Variants in GBF1 observed in about 807,000 individuals in gnomAD.
GBF1 encodes the protein golgi brefeldin A resistant guanine nucleotide exchange factor 1.
Under a neutral mutation model 210.5 loss-of-function variants are expected in GBF1, and 114 were observed. The observed-to-expected ratio is 0.54, with a 90% CI of 0.47 to 0.63. The LOEUF is 0.63. Among genes scored for constraint, GBF1 ranks in the 30% least tolerant of loss-of-function variants. The pLI is 0.00. For synonymous variants in GBF1, 850 were observed against 889.2 expected (o/e 0.96, Z 0.78); for missense variants, 1,851 against 2,357.7 (o/e 0.79, Z 4.45).
chr10:102,274,699 ATTTTTTTTTTTTTTTTTT>A (rs1174743189), intron 3 of GBF1, among the ~76,000 whole-genome samples: 2 of 71,700 alleles, frequency 2.8e-5, no homozygotes, highest in Non-Finnish European at 4.7e-5. Flanking sequence ...CAAAACAAAG[ATTTTTTTTTTTTTTTTTT>A]TTTTTTTTTT....
At chr10:102,244,639 C>T (rs901950282), upstream of GBF1, among the ~76,000 whole-genome samples, 3 of 152,150 alleles carry the variant, frequency 2.0e-5, no homozygotes, top group African/African-American at 7.2e-5. Context: ...GCGTATTTAG[C>T]CTGGTGGATA....
intron 3 of GBF1, among the ~76,000 whole-genome samples, chr10:102,336,194 G>A (rs1433874153): frequency 1.3e-5 from 2 of 151,634 alleles, no homozygotes; most frequent in African/African-American, 2.4e-5. Flanking sequence ...CCAGCTACTC[G>A]GGAGGCTGAG....
chr10:102,361,132 GA>G lies in GBF1; in HGVS notation c.1491+13del. 1 of 1,382,316 alleles carries G rather than the reference GA, an allele frequency of 7.2e-7. No homozygotes were observed. Among genetic ancestry groups the G allele is most frequent in the Non-Finnish European group, 1.0e-6 (1 of 968,150 alleles). The allele number at this position is 1,382,316 out of a possible 1,614,324, so 85.6% of individuals were successfully genotyped here. On this transcript the variant is annotated intron_variant, in intron 13 of 39. Coordinates refer to ENST00000369983, the MANE Select transcript of GBF1 (RefSeq NM_001377137.1). The stretch of plus-strand genomic sequence containing the variant: ...AGTTCCAAATGGAGGTGAGTTTCTT[GA>G]TGTGGAAAGAAAAGGGGGAAAAAAA...
intron 3 of GBF1, among the ~76,000 whole-genome samples, chr10:102,261,547 C>A (rs1390063733): frequency 6.6e-6 from 1 of 151,314 alleles, no homozygotes; most frequent in East Asian, 1.9e-4. Flanking sequence ...GAGAAAAAAT[C>A]TATTTTACTT....
At chr10:102,378,217 CAAAA>C (rs147480488) in intron 33 of GBF1, among the ~76,000 whole-genome samples, 1 of 88,218 alleles carries the variant, frequency 1.1e-5, no homozygotes, top group Non-Finnish European at 2.4e-5. Context: ...GACTCCATCT[CAAAA>C]AAAAAAAAAA....
At chr10:102,241,439 C>G (rs2070534625), upstream of GBF1, 1 of 152,502 alleles carries the variant, frequency 6.6e-6, no homozygotes, top group Non-Finnish European at 1.5e-5. The surrounding 1 kb of genome is among the most constrained non-coding windows in gnomAD (Gnocchi z 6.7). Context: ...GGGGCCGCCC[C>G]CCTGCTCCCG....
chr10:102,365,481 C>T lies in GBF1; in HGVS notation c.2191C>T (p.Pro731Ser), dbSNP rs1212562995. ...GCAAGAGAAAGGCCTCCTCACCATC[C>T]CAATGGACAACACAGAGGTTGCTCA... Reference protein sequence around the residue: ...FLQEKGLLTIPMDNTEVAQWL... With the variant: ...FLQEKGLLTISMDNTEVAQWL... Residue 731 changes from proline to serine, a missense_variant, in exon 18 of 40, where the codon CCA (proline) becomes TCA (serine). Physicochemically the swap from Pro to Ser is moderately conservative, Grantham distance 74 (BLOSUM62 -1). Around this residue, in one of 3 missense-constraint regions of GBF1, gnomAD observed 804 missense variants for 958.6 expected, o/e 0.84. Transcript: ENST00000369983. 18 of 1,613,898 alleles carry T rather than the reference C, an allele frequency of 1.1e-5. No homozygotes were observed. The highest frequency in any genetic ancestry group is 1.4e-5 in the Non-Finnish European group (17 of 1,179,752).
the GBF1 span, chr10:102,231,795 G>C: frequency 6.3e-7 from 1 of 1,596,612 alleles, no homozygotes; most frequent in Non-Finnish European, 8.5e-7. Flanking sequence ...CTGAGTCTGG[G>C]GGCCAGGGTG....
rs1477593510 is a variant in GBF1 at position 102,376,819 on chromosome 10, G to A, written c.4288+19G>A. On this transcript the variant is annotated intron_variant, in intron 32 of 39. Transcript: ENST00000369983. Reference sequence around the variant, plus strand: ...AATGGCGGTGGGTCAGCTGATGAGGGGGCAGCTGGGGAGTAGCCATGCAAT... The same window carrying A: ...AATGGCGGTGGGTCAGCTGATGAGGAGGCAGCTGGGGAGTAGCCATGCAAT... The A allele has an allele frequency of 6.2e-7, 1 of 1,608,802 alleles. No homozygotes were observed. Among genetic ancestry groups the A allele is most frequent in the Non-Finnish European group, 8.5e-7 (1 of 1,179,158 alleles).
At chr10:102,295,599 A>G (rs1245374776) in intron 3 of GBF1, among the ~76,000 whole-genome samples, 1 of 152,206 alleles carries the variant, frequency 6.6e-6, no homozygotes, top group Non-Finnish European at 1.5e-5. Context: ...AATAGAAGGG[A>G]AAAAACAAGA....
intron 36 of GBF1, 133 bp downstream of exon 36, chr10:102,380,087 G>T: frequency 1.4e-6 from 1 of 725,792 alleles, no homozygotes; most frequent in Non-Finnish European, 2.4e-6. Flanking sequence ...ACACTAAGCA[G>T]GACCTAGGGA....
chr10:102,279,054 A>T (rs1565051083), intron 3 of GBF1, among the ~76,000 whole-genome samples: 1 of 152,232 alleles, frequency 6.6e-6, no homozygotes, highest in Admixed American at 6.5e-5. Flanking sequence ...AGTTATGGTG[A>T]AATTTGAGTG....
chr10:102,282,443 T>G (rs1270913691), intron 3 of GBF1, among the ~76,000 whole-genome samples: 1 of 152,196 alleles, frequency 6.6e-6, no homozygotes, highest in Non-Finnish European at 1.5e-5. Context: ...AGGGCAGACT[T>G]ACAGCTAACC....
At chr10:102,372,474 C>G (rs1448864138) in intron 29 of GBF1, among the ~76,000 whole-genome samples, 2 of 152,170 alleles carry the variant, frequency 1.3e-5, no homozygotes, top group Non-Finnish European at 2.9e-5. Context: ...AAGATCACAC[C>G]ATTGCACTCC....
chr10:102,271,360 T>G (rs1484301100), intron 3 of GBF1, among the ~76,000 whole-genome samples: 1 of 152,034 alleles, frequency 6.6e-6, no homozygotes, highest in Non-Finnish European at 1.5e-5. Context: ...TTTTTAAAAT[T>G]TTTTGTAGAG....
In GBF1 at chr10:102,354,913, C is replaced by CT. The variant is rs5787452; in HGVS notation, c.639+1277dup. ...AAAGGGTAGTCCATCTAGTTGGGAT[C>CT]TTTTTTTTTTTTTTTTTTCTTGGTT... On this transcript the variant is annotated intron_variant, in intron 8 of 39. Coordinates refer to ENST00000369983, the MANE Select transcript of GBF1 (RefSeq NM_001377137.1). Among the ~76,000 whole-genome samples the CT allele has an allele frequency of 2.8e-3, 370 of 132,984 alleles. 2 individuals are homozygous for CT. Among genetic ancestry groups the CT allele is most frequent in the East Asian group, 8.7e-3 (39 of 4,482 alleles). 87.2% of individuals were successfully genotyped at this position (132,984 alleles called of 152,430 possible). A position where few individuals can be genotyped will look rare whatever the true frequency, so the allele number is the denominator to read the frequency against.
chr10:102,341,669 T>A lies in GBF1; in HGVS notation c.164-2382T>A, dbSNP rs563808179. The stretch of plus-strand genomic sequence containing the variant: ...GAAAAATTTCAGTCATCATGTTGAA[T>A]GAAGGAAGCCAGTCTGAAAATTGGC... On this transcript the variant is annotated intron_variant, in intron 3 of 39. Coordinates refer to ENST00000369983, the MANE Select transcript of GBF1 (RefSeq NM_001377137.1). 6.6e-5 allele frequency among the ~76,000 whole-genome samples: 10 copies of A among 152,338 alleles called. No homozygotes were observed. In the East Asian group the frequency reaches 1.9e-3, roughly 29 times the overall value.
At chr10:102,351,175 C>G in intron 4 of GBF1, 81 bp from the exon 5 acceptor site, 1 of 792,244 alleles carries the variant, frequency 1.3e-6, no homozygotes, top group Non-Finnish European at 2.2e-6. Flanking sequence ...GAAAAACTGT[C>G]TCTCAAAGCT....
chr10:102,377,931 C>T (rs2060604995), intron 33 of GBF1, among the ~76,000 whole-genome samples: 1 of 152,032 alleles, frequency 6.6e-6, no homozygotes, highest in Admixed American at 6.6e-5. Context: ...ACAAAAATGA[C>T]AAAAGTGGCT....
Sources: gnomAD v4.1 joint callset for allele counts (sites outside exome capture counted in the v4.1 genomes callset) on GRCh38, gnomAD v4.1.1 for gene constraint, gnomAD v4.1.1 regional missense constraint, Gnocchi (gnomAD v3.1) non-coding constraint, MANE v1.5 for transcripts, NCBI Gene and HGNC (gene_info 2026-07-23, HGNC 2026-07-21) for gene names.